Variants in ERCC6L2 observed in about 807,000 individuals in gnomAD.
The protein encoded by ERCC6L2 is DNA excision repair protein ERCC-6-like 2.
ERCC6L2 carries 77 observed loss-of-function variants against 132.0 expected under a neutral mutation model. The ratio of observed to expected loss-of-function variants is 0.58; its 90% CI spans 0.49 to 0.71. The LOEUF is 0.71. Ranked by LOEUF, ERCC6L2 falls within the 30% of genes least tolerant of loss-of-function variation. ERCC6L2 has a pLI of 0.00. For synonymous variants in ERCC6L2, 583 were observed against 632.4 expected (o/e 0.92, Z 1.17); for missense variants, 1,542 against 1,837.6 (o/e 0.84, Z 2.94).
At chr9:95,906,499 T>C (rs970292759) in intron 3 of ERCC6L2, 2 of 354,130 alleles carry the variant, frequency 5.6e-6, no homozygotes. Context: ...GAGGGCAAAA[T>C]ATATGGAAAT....
At chr9:95,947,020 A>G (rs1215101675) in intron 12 of ERCC6L2, among the ~76,000 whole-genome samples, 5 of 152,178 alleles carry the variant, frequency 3.3e-5, no homozygotes, top group South Asian at 2.1e-4. Context: ...AATTAGGCCA[A>G]TTAGTAACTC....
At chr9:95,988,006 G>A (rs955584841) in intron 17 of ERCC6L2, among the ~76,000 whole-genome samples, 8 of 152,176 alleles carry the variant, frequency 5.3e-5, no homozygotes, top group African/African-American at 1.7e-4. Flanking sequence ...GGCCCAAGCT[G>A]TACCTTGGAC....
intron 11 of ERCC6L2, among the ~76,000 whole-genome samples, chr9:95,935,819 T>C (rs1830529136): frequency 2.0e-5 from 3 of 152,164 alleles, no homozygotes; most frequent in Admixed American, 6.6e-5. Flanking sequence ...CAAACAGCTT[T>C]CTAAGCAAGC....
intron 2 of ERCC6L2, among the ~76,000 whole-genome samples, chr9:95,888,038 C>T (rs1021575120): frequency 6.8e-6 from 1 of 147,128 alleles, no homozygotes; most frequent in African/African-American, 2.5e-5. Context: ...GATAAGTGAG[C>T]TAGACCCCAT....
intron 2 of ERCC6L2, among the ~76,000 whole-genome samples, chr9:95,894,916 C>T (rs1013788766): frequency 1.3e-5 from 2 of 152,108 alleles, no homozygotes; most frequent in African/African-American, 4.8e-5. Flanking sequence ...ACTTTGGTAA[C>T]TATTTCGTGG....
rs1828012594 is a variant in ERCC6L2, at chr9:95,888,847, A to T, written c.471+7554A>T. Among the ~76,000 whole-genome samples the T allele has an allele frequency of 2.0e-5, 3 of 152,180 alleles. No individual in the cohort carries two copies. In the South Asian group the frequency reaches 6.2e-4, roughly 32 times the overall value. Reference sequence around the variant, plus strand: ...TCCCTTCCCTAACTGTCTTTTGTGTATTGACACTTTGCTGCTAGCATTACC... The same window carrying T: ...TCCCTTCCCTAACTGTCTTTTGTGTTTTGACACTTTGCTGCTAGCATTACC... On this transcript the variant is annotated intron_variant, in intron 2 of 18. Coordinates refer to ENST00000653738, the MANE Select transcript of ERCC6L2 (RefSeq NM_020207.7).
intron 13 of ERCC6L2, among the ~76,000 whole-genome samples, chr9:95,962,884 A>G (rs1381335585): frequency 6.6e-6 from 1 of 152,164 alleles, no homozygotes; most frequent in Admixed American, 6.6e-5. Context: ...GAGCATGTGT[A>G]TGTATAAATA....
intron 12 of ERCC6L2, among the ~76,000 whole-genome samples, chr9:95,945,816 T>C (rs1831032426): frequency 6.6e-6 from 1 of 152,194 alleles, no homozygotes; most frequent in Non-Finnish European, 1.5e-5. Flanking sequence ...GTTGGGAAGA[T>C]GGAGGAAACT....
chr9:96,010,413 C>G (rs956356394), intron 18 of ERCC6L2, among the ~76,000 whole-genome samples: 2 of 152,222 alleles, frequency 1.3e-5, no homozygotes, highest in African/African-American at 4.8e-5. Flanking sequence ...CTCCTACTAA[C>G]ATACATTAAA....
chr9:96,004,724 A>G (rs780041293), intron 18 of ERCC6L2, 23 bp downstream of exon 18: 17 of 1,269,280 alleles, frequency 1.3e-5, no homozygotes, highest in African/African-American at 4.6e-5. Context: ...TGACAATACT[A>G]TACTTGAAGA....
intron 17 of ERCC6L2, among the ~76,000 whole-genome samples, chr9:95,998,305 T>G (rs1370039518): frequency 6.6e-6 from 1 of 152,140 alleles, no homozygotes; most frequent in African/African-American, 2.4e-5. Context: ...TGGAAAACAA[T>G]TAATGCCCCC....
At chr9:95,878,037 C>T (rs1180825350) in intron 1 of ERCC6L2, among the ~76,000 whole-genome samples, 2 of 152,052 alleles carry the variant, frequency 1.3e-5, no homozygotes, top group Admixed American at 6.6e-5. Flanking sequence ...ATAATGGGTA[C>T]CCTACGCTAA....
chr9:96,021,301 C>G, downstream of ERCC6L2: 2 of 334,926 alleles, frequency 6.0e-6, no homozygotes, highest in South Asian at 4.5e-5. This position sits in a 1 kb window ranked among gnomAD's most constrained non-coding sequence, Gnocchi z 4.7. Flanking sequence ...AAAGAGAAAG[C>G]AAGCGATTAA....
chr9:96,019,857 G>C (rs1391595706), downstream of ERCC6L2: 1 of 152,246 alleles, frequency 6.6e-6, no homozygotes, highest in East Asian at 1.9e-4. Flanking sequence ...AGGGTGGTGA[G>C]AGAGAGGAAG....
chr9:95,931,191 C>G (rs1830323142), intron 11 of ERCC6L2, among the ~76,000 whole-genome samples: 1 of 152,180 alleles, frequency 6.6e-6, no homozygotes, highest in African/African-American at 2.4e-5. Context: ...CAGTTCACTT[C>G]AAATTTCAAT....
chr9:95,934,710 C>G (rs934910973), intron 11 of ERCC6L2, among the ~76,000 whole-genome samples: 1 of 152,116 alleles, frequency 6.6e-6, no homozygotes, highest in Non-Finnish European at 1.5e-5. Context: ...TTTATTCATA[C>G]TTACTAACTT....
intron 3 of ERCC6L2, among the ~76,000 whole-genome samples, chr9:95,900,871 A>G (rs1056683759): frequency 2.0e-5 from 3 of 152,020 alleles, no homozygotes; most frequent in African/African-American, 7.2e-5. Context: ...AAATTTTTTT[A>G]TTTCTCTTTG....
chr9:95,956,260 T>C (rs1831595390), intron 13 of ERCC6L2, among the ~76,000 whole-genome samples: 1 of 152,294 alleles, frequency 6.6e-6, no homozygotes, highest in South Asian at 2.1e-4. Flanking sequence ...CAAGGGATCT[T>C]GTCAAAATAC....
intron 18 of ERCC6L2, among the ~76,000 whole-genome samples, chr9:96,011,026 C>T (rs948743394): frequency 1.3e-5 from 2 of 152,210 alleles, no homozygotes; most frequent in African/African-American, 4.8e-5. Context: ...TATTTATAAA[C>T]ATTGAGCTGT....
Sources: gnomAD v4.1 joint callset for allele counts (sites outside exome capture counted in the v4.1 genomes callset) on GRCh38, gnomAD v4.1.1 for gene constraint, Gnocchi (gnomAD v3.1) non-coding constraint, MANE v1.5 for transcripts, NCBI Gene and HGNC (gene_info 2026-07-23, HGNC 2026-07-21) for gene names.